Variants in ONECUT2 observed in about 807,000 individuals in gnomAD.
ONECUT2 encodes one cut homeobox 2, also known as one cut domain family member 2.
Under a neutral mutation model 27.9 loss-of-function variants are expected in ONECUT2, and 10 were observed. The ratio of observed to expected loss-of-function variants is 0.36; its 90% CI spans 0.22 to 0.61. The LOEUF (loss-of-function observed/expected upper bound fraction) is 0.61, where lower values mean the gene tolerates loss of function less well. Ranked by LOEUF, ONECUT2 falls within the 20% of genes least tolerant of loss-of-function variation. The probability of loss-of-function intolerance (pLI) is 0.73; values close to 1 mark genes in which losing one functional copy is unlikely to be tolerated. For synonymous variants in ONECUT2, 334 were observed against 315.1 expected (o/e 1.06, Z -0.64); for missense variants, 686 against 721.0 (o/e 0.95, Z 0.56).
At position 57,477,268 on chromosome 18, in the gene ONECUT2, C is replaced by CGTA. The variant is rs1555675441; in HGVS notation, c.*545_*546insGTA. On this transcript the variant is annotated 3_prime_UTR_variant, in exon 2 of 2. Transcript: ENST00000491143. ...ACCATGTTATGTCCAAGTTCACAGC[C>CGTA]ACAACATCAGAATGGTAATTACTGA... is the stretch of plus-strand genomic sequence containing the variant. 6.6e-6 allele frequency: 1 copy of CGTA among 152,474 alleles called. No homozygotes were observed. The highest frequency in any genetic ancestry group is 1.5e-5 in the Non-Finnish European group (1 of 68,150). 9.4% of individuals were successfully genotyped at this position (152,474 alleles called of 1,614,324 possible). A position where few individuals can be genotyped will look rare whatever the true frequency, so the allele number is the denominator to read the frequency against.
At chr18:57,454,747 TG>T (rs2050249484) in intron 1 of ONECUT2, among the ~76,000 whole-genome samples, 1 of 152,224 alleles carries the variant, frequency 6.6e-6, no homozygotes, top group African/African-American at 2.4e-5. Flanking sequence ...GTTTGCAAAC[TG>T]GCCAACCATG....
Position 57,478,196 on chromosome 18 carries a change from C to A in ONECUT2, c.*1473C>A, listed in dbSNP as rs2050395626. ...CAAGCCACCCAGAGGGGTGGCTTTG[C>A]CACACCAGTTGTCACCTTCCCATAG... On this transcript the variant is annotated 3_prime_UTR_variant, in exon 2 of 2. Transcript: ENST00000491143. 1 of 152,594 alleles carries A rather than the reference C, an allele frequency of 6.6e-6. No individual in the cohort carries two copies. The highest frequency in any genetic ancestry group is 6.5e-5 in the Admixed American group (1 of 15,292). 9.5% of individuals were successfully genotyped at this position (152,594 alleles called of 1,614,324 possible).
chr18:57,472,992 G>A, intron 1 of ONECUT2, among the ~76,000 whole-genome samples: 1 of 152,240 alleles, frequency 6.6e-6, no homozygotes, highest in Non-Finnish European at 1.5e-5. Flanking sequence ...ATGAAGGCTT[G>A]ACACCAGTTG....
At chr18:57,461,127 T>G (rs1427614539) in intron 1 of ONECUT2, among the ~76,000 whole-genome samples, 1 of 152,218 alleles carries the variant, frequency 6.6e-6, no homozygotes, top group Non-Finnish European at 1.5e-5. Flanking sequence ...TTCTTTATAC[T>G]CAAGTATCCT....
chr18:57,449,694 C>T (rs497864), intron 1 of ONECUT2, among the ~76,000 whole-genome samples: 143,175 of 152,274 alleles, frequency 0.94, 67,903 homozygotes, highest in East Asian at 1. Flanking sequence ...TTTTCCTGCT[C>T]AGGCATTGTC....
At chr18:57,441,978 C>T (rs1414020071) in intron 1 of ONECUT2, among the ~76,000 whole-genome samples, 1 of 151,772 alleles carries the variant, frequency 6.6e-6, no homozygotes, top group Non-Finnish European at 1.5e-5. Context: ...CCCCTTCCCA[C>T]CCCCTGGACG....
intron 1 of ONECUT2, chr18:57,444,400 C>A (rs4060160): frequency 0.018 from 8,241 of 456,668 alleles, 126 homozygotes; most frequent in South Asian, 0.031. Flanking sequence ...CAGGCAGCAG[C>A]AGCTCCTTGA....
rs537377405 is a variant in ONECUT2 at position 57,491,058 on chromosome 18, C to A, written c.*14335C>A. On this transcript the variant is annotated 3_prime_UTR_variant, in exon 2 of 2. Transcript: ENST00000491143. ...ATATGTTCAGTGGCTGCCCTGAAAT[C>A]CTGGTGGGGATGAGGATCACGCTTC... The A allele has an allele frequency of 6.5e-6, 1 of 152,774 alleles. No individual in the cohort carries two copies. Among genetic ancestry groups the A allele is most frequent in the East Asian group, 1.9e-4 (1 of 5,186 alleles). The allele number at this position is 152,774 out of a possible 1,614,324, so 9.5% of individuals were successfully genotyped here. A position where few individuals can be genotyped will look rare whatever the true frequency, so the allele number is the denominator to read the frequency against.
chr18:57,470,344 G>A (rs377403850), intron 1 of ONECUT2, among the ~76,000 whole-genome samples: 65 of 152,284 alleles, frequency 4.3e-4, no homozygotes, highest in East Asian at 3.3e-3. Context: ...GTGGAGGCTG[G>A]GAAGGGGTTT....
intron 1 of ONECUT2, among the ~76,000 whole-genome samples, chr18:57,466,478 T>C (rs138726106): frequency 1.6e-4 from 25 of 152,360 alleles, no homozygotes; most frequent in African/African-American, 6.0e-4. Flanking sequence ...CAGATGTTTG[T>C]ATCTGGAATT....
rs1276398065 is a variant in ONECUT2 at position 57,487,569 on chromosome 18, A to G, written c.*10846A>G. The G allele has an allele frequency of 6.6e-6, 1 of 152,056 alleles. No individual in the cohort carries two copies. Among genetic ancestry groups the G allele is most frequent in the African/African-American group, 2.4e-5 (1 of 41,390 alleles). The allele number at this position is 152,056 out of a possible 1,614,324, so 9.4% of individuals were successfully genotyped here. ...CAATATTACTAACTCTTCTCTGCCC[A>G]CTTCTCTTTTGTCCACTCTCCTAGA... On this transcript the variant is annotated 3_prime_UTR_variant, in exon 2 of 2. Coordinates refer to ENST00000491143, the MANE Select transcript of ONECUT2 (RefSeq NM_004852.3).
chr18:57,454,554 A>C (rs917129062), intron 1 of ONECUT2, among the ~76,000 whole-genome samples: 1 of 152,174 alleles, frequency 6.6e-6, no homozygotes, highest in Non-Finnish European at 1.5e-5. Context: ...TGTACAGATT[A>C]AATGAGACGC....
chr18:57,468,259 A>T (rs1049631486), intron 1 of ONECUT2, among the ~76,000 whole-genome samples: 16 of 152,184 alleles, frequency 1.1e-4, no homozygotes, highest in African/African-American at 3.9e-4. Flanking sequence ...GTACATGAAG[A>T]CCAAGTTTCT....
rs2050428081 is a variant in ONECUT2, at chr18:57,484,091, T to TA, written c.*7368_*7369insA. The TA allele has an allele frequency of 6.6e-6, 1 of 152,136 alleles. No individual in the cohort carries two copies. Among genetic ancestry groups the TA allele is most frequent in the Non-Finnish European group, 1.5e-5 (1 of 67,988 alleles). The allele number at this position is 152,136 out of a possible 1,614,324, so 9.4% of individuals were successfully genotyped here. A position where few individuals can be genotyped will look rare whatever the true frequency, so the allele number is the denominator to read the frequency against. On this transcript the variant is annotated 3_prime_UTR_variant, in exon 2 of 2. Transcript: ENST00000491143. ...TATACAGAAACTGGAAAAATAAATTTTAAAAAAATCGTAAACAAAAAGAGA... is the reference window on the plus strand; with the variant it reads ...TATACAGAAACTGGAAAAATAAATTTATAAAAAAATCGTAAACAAAAAGAGA...
intron 1 of ONECUT2, among the ~76,000 whole-genome samples, chr18:57,466,409 G>A (rs1598940532): frequency 6.6e-6 from 1 of 152,234 alleles, no homozygotes; most frequent in Non-Finnish European, 1.5e-5. Flanking sequence ...ACAGGACTTC[G>A]AGATGATTTT....
chr18:57,485,890 A>G lies in ONECUT2; in HGVS notation c.*9167A>G, dbSNP rs1325435223. 6.6e-6 allele frequency: 1 copy of G among 152,234 alleles called. No homozygotes were observed. Among genetic ancestry groups the G allele is most frequent in the Non-Finnish European group, 1.5e-5 (1 of 68,044 alleles). 9.4% of individuals were successfully genotyped at this position (152,234 alleles called of 1,614,324 possible). A position where few individuals can be genotyped will look rare whatever the true frequency, so the allele number is the denominator to read the frequency against. ...CTCAAGGCCCATCTTCTCCCTATAC[A>G]AGGCAAACCTGTAAGGCCTTCCTTC... On this transcript the variant is annotated 3_prime_UTR_variant, in exon 2 of 2. Coordinates refer to ENST00000491143, the MANE Select transcript of ONECUT2 (RefSeq NM_004852.3).
At chr18:57,475,689 A>G (rs761249636) in intron 1 of ONECUT2, among the ~76,000 whole-genome samples, 1 of 152,188 alleles carries the variant, frequency 6.6e-6, no homozygotes, top group African/African-American at 2.4e-5. Context: ...GAGACTCTGC[A>G]TATACTAACA....
At chr18:57,475,158 G>A (rs577540807) in intron 1 of ONECUT2, among the ~76,000 whole-genome samples, 1 of 149,476 alleles carries the variant, frequency 6.7e-6, no homozygotes, top group South Asian at 2.1e-4. Context: ...CTGGGTTCAA[G>A]CGATTCTCCT....
rs1173077975 is a variant in ONECUT2 at position 57,477,066 on chromosome 18, T to G, written c.*343T>G. On this transcript the variant is annotated 3_prime_UTR_variant, in exon 2 of 2. Coordinates refer to ENST00000491143, the MANE Select transcript of ONECUT2 (RefSeq NM_004852.3). ...CAACCAAGCTCGGGATTGCTTAAAA[T>G]ATCATCCATCCCACTTCAGGTCCTG... 1 of 275,888 alleles carries G rather than the reference T, an allele frequency of 3.6e-6. No individual in the cohort carries two copies. Among genetic ancestry groups the G allele is most frequent in the Non-Finnish European group, 6.9e-6 (1 of 145,608 alleles). The allele number at this position is 275,888 out of a possible 1,614,324, so 17.1% of individuals were successfully genotyped here. A position where few individuals can be genotyped will look rare whatever the true frequency, so the allele number is the denominator to read the frequency against.
Sources: allele counts gnomAD v4.1 joint callset (sites outside exome capture counted in the v4.1 genomes callset), GRCh38; gene constraint gnomAD v4.1.1; transcripts MANE v1.5; gene names NCBI Gene and HGNC (gene_info 2026-07-23, HGNC 2026-07-21).